The following PKN3 variants were observed in gnomAD, a reference collection of about 807,000 sequenced individuals.
The protein encoded by PKN3 is serine/threonine-protein kinase N3.
A neutral mutation model predicts 113.1 loss-of-function variants in PKN3; 91 were observed. The observed-to-expected ratio is 0.80, with a 90% CI of 0.68 to 0.96. PKN3 has a LOEUF of 0.96. Among genes scored for constraint, PKN3 ranks in the 40% least tolerant of loss-of-function variants. PKN3 has a pLI of 0.00. For synonymous variants in PKN3, 467 were observed against 499.0 expected, an observed-to-expected ratio of 0.94 and a Z score of 0.85; for missense variants, 1,052 against 1,202.2, an observed-to-expected ratio of 0.88 and a Z score of 1.85.
chr9:128,713,365 C>A lies in PKN3; in HGVS notation c.1070C>A (p.Thr357Asn). Residue 357 changes from threonine to asparagine, a missense_variant, in exon 8 of 22, where the codon ACC (threonine) becomes AAC (asparagine). Thr to Asn is a moderately conservative substitution (Grantham distance 65, BLOSUM62 0). Coordinates refer to ENST00000291906, the MANE Select transcript of PKN3 (RefSeq NM_013355.5). Reference protein sequence around the residue: ...GQVAEQSWDQTFVIPLERARE... With the variant: ...GQVAEQSWDQNFVIPLERARE... ...GTGGCCGAACAGTCCTGGGACCAGACCTTTGTCATCCCACTGGAGCGAGTA... is the reference window on the plus strand; with the variant it reads ...GTGGCCGAACAGTCCTGGGACCAGAACTTTGTCATCCCACTGGAGCGAGTA... 3 of 1,614,060 alleles carry A rather than the reference C, an allele frequency of 1.9e-6. No homozygotes were observed. The highest frequency in any genetic ancestry group is 2.5e-6 in the Non-Finnish European group (3 of 1,179,994).
chr9:128,713,326 C>T lies in PKN3; in HGVS notation c.1031C>T (p.Thr344Met), dbSNP rs764868009. ...LKVDNRVVGQ[T>M]GWGQVAEQSW... ...GTGGACAACCGTGTTGTGGGGCAGACGGGCTGGGGGCAGGTGGCCGAACAG... is the reference window on the plus strand; with the variant it reads ...GTGGACAACCGTGTTGTGGGGCAGATGGGCTGGGGGCAGGTGGCCGAACAG... Residue 344 changes from threonine (T) to methionine (M), a missense_variant, in exon 8 of 22, where the codon ACG becomes ATG. By Grantham distance (81) the Thr-to-Met change is moderately conservative. Around this residue, in one of 2 missense-constraint regions of PKN3, gnomAD observed 719 missense variants for 759.4 expected, o/e 0.95. Coordinates refer to ENST00000291906, the MANE Select transcript of PKN3 (RefSeq NM_013355.5). 4.3e-6 allele frequency: 7 copies of T among 1,614,118 alleles called. No homozygotes were observed. The highest frequency in any genetic ancestry group is 2.2e-5 in the East Asian group (1 of 44,880).
At position 128,714,899 on chromosome 9, in the gene PKN3, G is replaced by A. The variant is rs754575390; in HGVS notation, c.1652+34G>A. 1.9e-5 allele frequency: 30 copies of A among 1,587,594 alleles called. No individual in the cohort carries two copies. The Admixed American group carries it at 2.5e-4, about 13-fold the overall frequency. ...TCCTGCGCACCTTCATGTTTGAGAC[G>A]TTCGTCTGCTTGCTTGAACATTTGT... On this transcript the variant is annotated intron_variant, in intron 13 of 21. Transcript: ENST00000291906.
chr9:128,714,692 C>T, intron 12 of PKN3, 28 bp downstream of exon 12: 5 of 1,341,996 alleles, frequency 3.7e-6, no homozygotes, highest in Non-Finnish European at 5.4e-6. Flanking sequence ...CTAGTGGCTC[C>T]TAGGGCCGGC....
intron 18 of PKN3, among the ~76,000 whole-genome samples, chr9:128,719,251 G>A (rs1355440840): frequency 6.6e-6 from 1 of 151,200 alleles, no homozygotes; most frequent in Non-Finnish European, 1.5e-5. Context: ...GTGCAATGGC[G>A]CAATCTCGGC....
intron 1 of PKN3, chr9:128,703,445 C>G: frequency 5.1e-6 from 5 of 985,316 alleles, no homozygotes; most frequent in Non-Finnish European, 6.0e-6. Flanking sequence ...AGCGGCCTCC[C>G]CCGCCCCAGG....
In PKN3 at chr9:128,714,840, C is replaced by T. The variant is rs747752598; in HGVS notation, c.1627C>T (p.Pro543Ser). ...TATGGAGCCTAGGACTCGACGTGGG[C>T]CATCTCCACCAGCCTCCCCCACCAG... ...PHMEPRTRRGPSPPASPTRKP... is the reference protein window; with the variant it reads ...PHMEPRTRRGSSPPASPTRKP... Residue 543 changes from proline to serine, a missense_variant, in exon 13 of 22, where the codon CCA becomes TCA. Coordinates refer to ENST00000291906, the MANE Select transcript of PKN3 (RefSeq NM_013355.5). 3 of 1,613,966 alleles carry T rather than the reference C, an allele frequency of 1.9e-6. No homozygotes were observed. The highest frequency in any genetic ancestry group is 2.5e-6 in the Non-Finnish European group (3 of 1,179,900).
intron 11 of PKN3, 83 bp from the exon 12 acceptor site, chr9:128,714,479 C>T: frequency 9.1e-7 from 1 of 1,102,014 alleles, no homozygotes; most frequent in Non-Finnish European, 1.4e-6. Flanking sequence ...ACCCTCTGTC[C>T]ATCTCACTTT....
At chr9:128,703,285 C>T (rs997375926) in intron 1 of PKN3, 18 of 828,206 alleles carry the variant, frequency 2.2e-5, no homozygotes, top group East Asian at 2.5e-4. Flanking sequence ...CCAAGGCCGA[C>T]GGGAATTAGC....
intron 15 of PKN3, 147 bp from the exon 16 acceptor site, chr9:128,716,600 A>G: frequency 1.6e-6 from 1 of 608,076 alleles, no homozygotes; most frequent in Non-Finnish European, 2.8e-6. Context: ...TGTGTCTCAA[A>G]AAAAAAAAAA....
chr9:128,715,000 C>T lies in PKN3; in HGVS notation c.1652+135C>T. The T allele has an allele frequency of 3.7e-6, 4 of 1,072,240 alleles. No individual in the cohort carries two copies. The Middle Eastern group carries it at 8.7e-4, about 233-fold the overall frequency. 66.4% of individuals were successfully genotyped at this position (1,072,240 alleles called of 1,614,324 possible). ...CTCTCGGGGTCTGATTTACTAAACCCACATTATTGAGCTCCAGCTCTATGC... is the reference window on the plus strand; with the variant it reads ...CTCTCGGGGTCTGATTTACTAAACCTACATTATTGAGCTCCAGCTCTATGC... On this transcript the variant is annotated intron_variant, in intron 13 of 21. Transcript: ENST00000291906.
intron 16 of PKN3, among the ~76,000 whole-genome samples, chr9:128,717,804 G>A (rs1228025491): frequency 6.8e-6 from 1 of 147,116 alleles, no homozygotes; most frequent in Non-Finnish European, 1.5e-5. Context: ...TGGATCATGA[G>A]GTCAAGAGAT....
At chr9:128,703,230 G>T (rs1052196748) in intron 1 of PKN3, among the ~76,000 whole-genome samples, 1 of 152,358 alleles carries the variant, frequency 6.6e-6, no homozygotes, top group East Asian at 1.9e-4. Flanking sequence ...GCGCCACCAG[G>T]GTGGTCCCCA....
In PKN3 at chr9:128,712,801, G is replaced by A. The variant is rs1589484885; in HGVS notation, c.836-251G>A. Among the ~76,000 whole-genome samples, 8 of 152,184 alleles carry A rather than the reference G, an allele frequency of 5.3e-5. No homozygotes were observed. In the South Asian group the frequency reaches 1.7e-3, roughly 32 times the overall value. Reference sequence around the variant, plus strand: ...GTCGGAGGCCTCCTAGGGTGTCATCGGGGTCCAAGGGTACCCTTTGGGGGG... The same window carrying A: ...GTCGGAGGCCTCCTAGGGTGTCATCAGGGTCCAAGGGTACCCTTTGGGGGG... On this transcript the variant is annotated intron_variant, in intron 6 of 21. Coordinates refer to ENST00000291906, the MANE Select transcript of PKN3 (RefSeq NM_013355.5).
rs762072629 is a variant in PKN3, at chr9:128,705,437, G to A, written c.159G>A (p.Val53=). Residue 53 remains valine (V), a synonymous_variant, in exon 2 of 22, where the codon GTG becomes GTA. Coordinates refer to ENST00000291906, the MANE Select transcript of PKN3 (RefSeq NM_013355.5). ...CAGACCGCCGCCACTTGGGCCATGT[G>A]CAGCAGCTGCTGCGGTCCTCCAACC... ...VATDRRHLGH[V]QQLLRSSNRR... 34 of 1,585,922 alleles carry A rather than the reference G, an allele frequency of 2.1e-5. No homozygotes were observed. Among genetic ancestry groups the A allele is most frequent in the South Asian group, 8.0e-5 (7 of 87,460 alleles).
chr9:128,712,382 C>T (rs1862206054), intron 6 of PKN3, among the ~76,000 whole-genome samples: 1 of 152,196 alleles, frequency 6.6e-6, no homozygotes, highest in Non-Finnish European at 1.5e-5. Flanking sequence ...TGAGGGACAA[C>T]CCTCTAGTGA....
At chr9:128,718,200 C>A in intron 16 of PKN3, 125 bp from the exon 17 acceptor site, 1 of 757,704 alleles carries the variant, frequency 1.3e-6, no homozygotes, top group Admixed American at 1.9e-5. Flanking sequence ...TTGTCCCAGT[C>A]TCACTCATCT....
In PKN3 at chr9:128,702,512, C is replaced by A. The variant is rs1013329606; in HGVS notation, c.-404C>A. 5.9e-5 allele frequency: 12 copies of A among 203,240 alleles called. No individual in the cohort carries two copies. The highest frequency in any genetic ancestry group is 9.8e-6 in the Non-Finnish European group (1 of 102,518). 12.6% of individuals were successfully genotyped at this position (203,240 alleles called of 1,614,324 possible). A position where few individuals can be genotyped will look rare whatever the true frequency, so the allele number is the denominator to read the frequency against. On this transcript the variant is annotated 5_prime_UTR_variant, in exon 1 of 22. Coordinates refer to ENST00000291906, the MANE Select transcript of PKN3 (RefSeq NM_013355.5). Reference sequence around the variant, plus strand: ...GGGCGCTGTTTCCCCCATCCCTGTCCCTAACTGGCCGGCTCCCGCGGGCGC... The same window carrying A: ...GGGCGCTGTTTCCCCCATCCCTGTCACTAACTGGCCGGCTCCCGCGGGCGC...
In PKN3 at chr9:128,720,670, C is replaced by T. The variant is rs764374074; in HGVS notation, c.*64C>T. The stretch of plus-strand genomic sequence containing the variant: ...CTGTTAGAGCCTCTGCTCGTTCACC[C>T]GTGCGCCCTGCCTGGAGGTCCAGGC... On this transcript the variant is annotated 3_prime_UTR_variant, in exon 22 of 22. Transcript: ENST00000291906. This position sits in a 1 kb window ranked among gnomAD's most constrained non-coding sequence, Gnocchi z 5.5. 4.6e-5 allele frequency: 65 copies of T among 1,421,002 alleles called. 1 individual carries two copies. Among genetic ancestry groups the T allele is most frequent in the East Asian group, 7.3e-5 (3 of 41,236 alleles). The allele number at this position is 1,421,002 out of a possible 1,614,324, so 88.0% of individuals were successfully genotyped here.
chr9:128,707,457 C>T, intron 6 of PKN3, 52 bp downstream of exon 6: 4 of 1,467,396 alleles, frequency 2.7e-6, no homozygotes, highest in Non-Finnish European at 3.7e-6. Flanking sequence ...TGGGGGGAGG[C>T]CGGAAGCACA....
Sources: gnomAD v4.1 joint callset for allele counts (sites outside exome capture counted in the v4.1 genomes callset) on GRCh38, gnomAD v4.1.1 for gene constraint, gnomAD v4.1.1 regional missense constraint, Gnocchi (gnomAD v3.1) non-coding constraint, MANE v1.5 for transcripts, NCBI Gene and HGNC (gene_info 2026-07-23, HGNC 2026-07-21) for gene names.